CROCC: variants seen among roughly 807,000 people sequenced by gnomAD.
CROCC encodes ciliary rootlet coiled-coil, rootletin, also known as rootletin.
CROCC carries 180 observed loss-of-function variants against 245.2 expected under a neutral mutation model. That is an observed-to-expected ratio of 0.73 (90% CI 0.65 to 0.83). CROCC has a LOEUF of 0.83. CROCC is among the 40% of genes least tolerant of loss of function. The probability of loss-of-function intolerance (pLI) is 0.00; values close to 1 mark genes in which losing one functional copy is unlikely to be tolerated. For missense variants in CROCC, 2,688 were observed against 2,779.4 expected, an observed-to-expected ratio of 0.97 and a Z score of 0.74; for synonymous variants, 1,205 against 1,241.6, an observed-to-expected ratio of 0.97 and a Z score of 0.62.
Position 16,924,410 on chromosome 1 carries a change from G to A in CROCC, c.282G>A (p.Glu94=), listed in dbSNP as rs2075483281. 6.2e-7 allele frequency: 1 copy of A among 1,613,338 alleles called. No individual in the cohort carries two copies. Among genetic ancestry groups the A allele is most frequent in the Non-Finnish European group, 8.5e-7 (1 of 1,179,902 alleles). The change falls in exon 3 of 37, where the codon GAG becomes GAA. Residue 94 remains glutamate (E), a synonymous_variant. Transcript: ENST00000375541. ...TGCAGCAGGAGCTGTCCCGCGTGGA[G>A]GACCTGCTGGCCCAGAGCCGTGCCG... ...QLLQQELSRV[E]DLLAQSRAER...
rs1229786062 is a variant in CROCC, at chr1:16,944,109, C to T, written c.1818C>T (p.Ser606=). 3.2e-6 allele frequency: 5 copies of T among 1,553,414 alleles called. No individual in the cohort carries two copies. Among genetic ancestry groups the T allele is most frequent in the Non-Finnish European group, 3.5e-6 (4 of 1,147,754 alleles). ...SANELLSREK[S]NLAHSLQVAQ... ...TCCCCTTGTCCTGAAGGGAGAAGAG[C>T]AACCTGGCCCACAGCCTGCAGGTGG... Residue 606 remains serine (S), a synonymous_variant, in exon 14 of 37, where the codon AGC becomes AGT. Transcript: ENST00000375541.
Position 16,970,744 on chromosome 1 carries a change from C to A in CROCC, c.5761C>A (p.Gln1921Lys). The A allele has an allele frequency of 1.3e-6, 2 of 1,598,444 alleles. No individual in the cohort carries two copies. The highest frequency in any genetic ancestry group is 8.5e-7 in the Non-Finnish European group (1 of 1,174,004). The change falls in exon 35 of 37, where the codon CAG becomes AAG. Residue 1921 changes from glutamine to lysine, a missense_variant. Physicochemically the swap from Gln to Lys is moderately conservative, Grantham distance 53. Coordinates refer to ENST00000375541, the MANE Select transcript of CROCC (RefSeq NM_014675.5). ...TGAELELAEAQRQIQQLEAQV... is the reference protein window; with the variant it reads ...TGAELELAEAKRQIQQLEAQV... ...GGCTGAGCTGGAGCTGGCAGAGGCGCAGAGGCAGATCCAGCAGCTGGAGGT... is the reference window on the plus strand; with the variant it reads ...GGCTGAGCTGGAGCTGGCAGAGGCGAAGAGGCAGATCCAGCAGCTGGAGGT...
At chr1:16,937,167 G>A (rs6678790) in intron 9 of CROCC, among the ~76,000 whole-genome samples, 10,174 of 150,500 alleles carry the variant, frequency 0.068, 86 homozygotes, top group African/African-American at 0.14. Flanking sequence ...CAGCCTGTCC[G>A]ACAGGCAAAA....
In CROCC at chr1:16,968,288, G is replaced by A; in HGVS notation, c.4946G>A (p.Ser1649Asn). 6.4e-7 allele frequency: 1 copy of A among 1,555,162 alleles called. No homozygotes were observed. The highest frequency in any genetic ancestry group is 2.4e-5 in the East Asian group (1 of 41,494). Residue 1649 changes from serine to asparagine, a missense_variant, in exon 31 of 37, where the codon AGC becomes AAC. By Grantham distance (46) the Ser-to-Asn change is conservative. Coordinates refer to ENST00000375541, the MANE Select transcript of CROCC (RefSeq NM_014675.5). ...AAGGAGGTTCTGGACGCCTCCGAGA[G>A]CCGCACTGTCAAGCTGGAGCTGCAG... ...RLKEVLDASE[S>N]RTVKLELQRR...
chr1:16,955,178 T>C, intron 23 of CROCC, 134 bp from the exon 24 acceptor site: 1 of 860,240 alleles, frequency 1.2e-6, no homozygotes, highest in South Asian at 1.6e-5. Context: ...GCTCAAATGA[T>C]AACTCACAGC....
Position 16,971,626 on chromosome 1 carries a change from G to A in CROCC, c.5946G>A (p.Arg1982=), listed in dbSNP as rs1227886228. ...CTCGGGAGCGGGCCCACCGCCAGAG[G>A]GTGCGTGGGCTGGAGGAGCAGGTGT... The part of the protein sequence containing the change: ...LEARERAHRQ[R]VRGLEEQVST... Residue 1982 remains arginine, a synonymous_variant, in exon 36 of 37, where the codon AGG becomes AGA. Coordinates refer to ENST00000375541, the MANE Select transcript of CROCC (RefSeq NM_014675.5). 2.7e-6 allele frequency: 4 copies of A among 1,508,672 alleles called. No homozygotes were observed. Among genetic ancestry groups the A allele is most frequent in the Non-Finnish European group, 3.5e-6 (4 of 1,127,622 alleles). The allele number at this position is 1,508,672 out of a possible 1,614,324, so 93.5% of individuals were successfully genotyped here.
In CROCC at chr1:16,960,880, C is replaced by A. The variant is rs1356509174; in HGVS notation, c.4155C>A (p.Arg1385=). The A allele has an allele frequency of 1.5e-5, 22 of 1,512,180 alleles. No homozygotes were observed. Among genetic ancestry groups the A allele is most frequent in the Non-Finnish European group, 7.9e-6 (9 of 1,136,992 alleles). 93.7% of individuals were successfully genotyped at this position (1,512,180 alleles called of 1,614,324 possible). The part of the protein sequence containing the change: ...GTEKQQLDHA[R]GLELKLEAAR... ...AAAAGCAGCAGCTGGACCACGCCCGCGGCCTGGAGCTGAAGCTGGAGGCGG... is the reference window on the plus strand; with the variant it reads ...AAAAGCAGCAGCTGGACCACGCCCGAGGCCTGGAGCTGAAGCTGGAGGCGG... Residue 1385 remains arginine (R), a synonymous_variant, in exon 27 of 37, where the codon CGC becomes CGA. Coordinates refer to ENST00000375541, the MANE Select transcript of CROCC (RefSeq NM_014675.5).
rs1209010299 is a variant in CROCC at position 16,955,804 on chromosome 1, G to C, written c.3705-193G>C. 2.0e-5 allele frequency among the ~76,000 whole-genome samples: 3 copies of C among 151,898 alleles called. No homozygotes were observed. In the East Asian group the frequency reaches 5.8e-4, roughly 29 times the overall value. ...CACCCTGGAAACCAGGTCCCCTCCT[G>C]GAGTCACTGGTCTACCCCTCCCAGC... is the stretch of plus-strand genomic sequence containing the variant. On this transcript the variant is annotated intron_variant, in intron 24 of 36. Transcript: ENST00000375541.
chr1:16,939,767 C>G, intron 12 of CROCC, 127 bp from the exon 13 acceptor site: 1 of 1,189,028 alleles, frequency 8.4e-7, no homozygotes, highest in Non-Finnish European at 1.2e-6. Context: ...CTATCCTGCC[C>G]CAGGCCAGGT....
In CROCC at chr1:16,939,160, C is replaced by A; in HGVS notation, c.1608+18C>A. 1 of 1,333,036 alleles carries A rather than the reference C, an allele frequency of 7.5e-7. No homozygotes were observed. 82.6% of individuals were successfully genotyped at this position (1,333,036 alleles called of 1,614,324 possible). ...AGGTCCAGGTAGGAAGGGGCTTGAG[C>A]GTTCTGGGCGCAGCCAGAGGCCTGG... On this transcript the variant is annotated intron_variant, in intron 12 of 36. Coordinates refer to ENST00000375541, the MANE Select transcript of CROCC (RefSeq NM_014675.5).
chr1:16,943,907 A>AAGCC (rs1430862255), intron 13 of CROCC, among the ~76,000 whole-genome samples, 193 bp from the exon 14 acceptor site: 6 of 152,274 alleles, frequency 3.9e-5, no homozygotes. Context: ...GAGAGAAGGA[A>AAGCC]AGCCAGGTTC....
In CROCC at chr1:16,939,985, A is replaced by G. The variant is rs1190580846; in HGVS notation, c.1700A>G (p.Glu567Gly). The G allele has an allele frequency of 3.1e-6, 5 of 1,612,302 alleles. No individual in the cohort carries two copies. The highest frequency in any genetic ancestry group is 4.2e-6 in the Non-Finnish European group (5 of 1,179,758). ...SDSESERRAL[E>G]EQLQRLRDKT... The stretch of plus-strand genomic sequence containing the variant: ...AGCGAGAGCGAGCGGCGGGCCCTAG[A>G]GGAACAGCTGCAGCGCCTGCGGGAC... Residue 567 changes from glutamate to glycine, a missense_variant, in exon 13 of 37, where the codon GAG (glutamate) becomes GGG (glycine). This residue lies in a region of CROCC where 972 missense variants were observed against 895.3 expected (regional missense o/e 1.09). Coordinates refer to ENST00000375541, the MANE Select transcript of CROCC (RefSeq NM_014675.5).
Position 16,936,884 on chromosome 1 carries a change from G to C in CROCC, c.1193+11G>C. ...TGACCTCAGTGCCAGGTGGGTACCT[G>C]GTGGATGCCGCACGAGGCAGGCGTC... On this transcript the variant is annotated intron_variant, in intron 9 of 36. Transcript: ENST00000375541. The C allele has an allele frequency of 4.4e-6, 7 of 1,604,436 alleles. No individual in the cohort carries two copies. Among genetic ancestry groups the C allele is most frequent in the Non-Finnish European group, 6.0e-6 (7 of 1,174,046 alleles).
chr1:16,972,259 C>T (rs1467423437), intron 36 of CROCC, 101 bp from the exon 37 acceptor site: 1 of 922,354 alleles, frequency 1.1e-6, no homozygotes, highest in African/African-American at 1.6e-5. Context: ...CAGACCTTTC[C>T]TGAAACTGTG....
chr1:16,938,771 G>C, intron 11 of CROCC, 138 bp from the exon 12 acceptor site: 1 of 888,976 alleles, frequency 1.1e-6, no homozygotes, highest in Non-Finnish European at 1.8e-6. Context: ...TAGTGGAGGA[G>C]GTGAAATCAG....
chr1:16,927,521 C>G (rs1557579935), intron 3 of CROCC, among the ~76,000 whole-genome samples: 1 of 152,266 alleles, frequency 6.6e-6, no homozygotes, highest in South Asian at 2.1e-4. Context: ...AGGCCCAACA[C>G]CCGCGCCACA....
rs769230362 is a variant in CROCC, at chr1:16,936,892, C to A, written c.1193+19C>A. 8.8e-6 allele frequency: 14 copies of A among 1,596,454 alleles called. No individual in the cohort carries two copies. The African/African-American group carries it at 1.6e-4, about 18-fold the overall frequency. Reference sequence around the variant, plus strand: ...GTGCCAGGTGGGTACCTGGTGGATGCCGCACGAGGCAGGCGTCCCTGCAGA... The same window carrying A: ...GTGCCAGGTGGGTACCTGGTGGATGACGCACGAGGCAGGCGTCCCTGCAGA... On this transcript the variant is annotated intron_variant, in intron 9 of 36. Transcript: ENST00000375541.
intron 19 of CROCC, among the ~76,000 whole-genome samples, chr1:16,949,727 G>C (rs1004697948): frequency 6.6e-6 from 1 of 152,186 alleles, no homozygotes; most frequent in Non-Finnish European, 1.5e-5. Flanking sequence ...ACTTAGCTGG[G>C]CGCTTGACCC....
chr1:16,972,331 G>A (rs1268439016), intron 36 of CROCC, 29 bp from the exon 37 acceptor site: 6 of 1,597,100 alleles, frequency 3.8e-6, no homozygotes, highest in Non-Finnish European at 5.2e-6. Flanking sequence ...TGAGGACCTG[G>A]CTGGCCTTAC....
Sources: allele counts gnomAD v4.1 joint callset (sites outside exome capture counted in the v4.1 genomes callset), GRCh38; gene constraint gnomAD v4.1.1; regional missense constraint gnomAD v4.1.1; transcripts MANE v1.5; gene names NCBI Gene and HGNC (gene_info 2026-07-23, HGNC 2026-07-21).